Variants in PLCL1 observed in about 807,000 individuals in gnomAD.
The protein encoded by PLCL1 is phospholipase C like 1 (inactive), also known as inactive phospholipase C-like protein 1.
A neutral mutation model predicts 84.4 loss-of-function variants in PLCL1; 41 were observed. That is an observed-to-expected ratio of 0.49 (90% CI 0.38 to 0.63). The LOEUF (loss-of-function observed/expected upper bound fraction) is 0.63, where lower values mean the gene tolerates loss of function less well. Among genes scored for constraint, PLCL1 ranks in the 30% least tolerant of loss-of-function variants. PLCL1 has a pLI of 0.00. For synonymous variants in PLCL1, 490 were observed against 488.3 expected (o/e 1.00, Z -0.05); for missense variants, 1,206 against 1,367.8 (o/e 0.88, Z 1.87).
chr2:197,935,080 G>A (rs767806391), intron 1 of PLCL1, among the ~76,000 whole-genome samples: 1 of 152,054 alleles, frequency 6.6e-6, no homozygotes, highest in Admixed American at 6.6e-5. Flanking sequence ...AAACCACAAC[G>A]AGATACCATC....
intron 1 of PLCL1, among the ~76,000 whole-genome samples, chr2:197,872,062 CA>C: frequency 6.6e-6 from 1 of 152,286 alleles, no homozygotes. Flanking sequence ...GTCTGGATTA[CA>C]AACCTTTTGT....
intron 1 of PLCL1, among the ~76,000 whole-genome samples, chr2:197,950,344 C>T (rs1023712690): frequency 7.2e-5 from 11 of 152,118 alleles, no homozygotes; most frequent in Non-Finnish European, 1.0e-4. Flanking sequence ...GTCTCTCGTA[C>T]CCCGTCCAGC....
chr2:198,108,965 T>C (rs1455873488), intron 5 of PLCL1, among the ~76,000 whole-genome samples: 1 of 151,906 alleles, frequency 6.6e-6, no homozygotes, highest in African/African-American at 2.4e-5. Context: ...GATGATTCAG[T>C]CCTCACTACC....
At chr2:198,116,033 A>G (rs1693740288) in intron 5 of PLCL1, among the ~76,000 whole-genome samples, 2 of 148,700 alleles carry the variant, frequency 1.3e-5, no homozygotes, top group East Asian at 3.9e-4. Context: ...ACATGTATAT[A>G]TAAAATGTTA....
At chr2:198,043,881 C>CT (rs397800019) in intron 1 of PLCL1, among the ~76,000 whole-genome samples, 6,859 of 124,790 alleles carry the variant, frequency 0.055, 462 homozygotes, top group African/African-American at 0.16. Flanking sequence ...AATTCTTGTT[C>CT]TTTTTTTTTT....
At chr2:197,849,496 TTAAAG>T (rs1166079095) in intron 1 of PLCL1, among the ~76,000 whole-genome samples, 1 of 152,170 alleles carries the variant, frequency 6.6e-6, no homozygotes, top group Non-Finnish European at 1.5e-5. Flanking sequence ...ATTTAAATGA[TTAAAG>T]TAATGATTAA....
chr2:198,147,218 G>GTGTGTA lies in PLCL1; in HGVS notation c.*261_*262insATGTGT, dbSNP rs1379545608. 3.6e-6 allele frequency: 1 copy of GTGTGTA among 277,122 alleles called. No homozygotes were observed. The highest frequency in any genetic ancestry group is 6.7e-6 in the Non-Finnish European group (1 of 149,198). 17.2% of individuals were successfully genotyped at this position (277,122 alleles called of 1,614,324 possible). A position where few individuals can be genotyped will look rare whatever the true frequency, so the allele number is the denominator to read the frequency against. On this transcript the variant is annotated 3_prime_UTR_variant, in exon 6 of 6. Coordinates refer to ENST00000428675, the MANE Select transcript of PLCL1 (RefSeq NM_006226.4). ...CCTGTGGAAGAGTGTGTGTGTGTGT[G>GTGTGTA]TGTGTGTGTGTGTGTGGCAGAGAGA...
chr2:198,137,881 G>T (rs1036746351), intron 5 of PLCL1, among the ~76,000 whole-genome samples: 2 of 152,104 alleles, frequency 1.3e-5, no homozygotes, highest in African/African-American at 4.8e-5. Flanking sequence ...GCTCACTTTT[G>T]TAACCCCCAG....
At chr2:197,918,378 C>T (rs1190415844) in intron 1 of PLCL1, among the ~76,000 whole-genome samples, 1 of 151,882 alleles carries the variant, frequency 6.6e-6, no homozygotes, top group African/African-American at 2.4e-5. Context: ...GAGCCTGGAA[C>T]AGAAAGAGGG....
At chr2:197,865,686 C>T (rs551090588) in intron 1 of PLCL1, among the ~76,000 whole-genome samples, 172 of 152,096 alleles carry the variant, frequency 1.1e-3, no homozygotes, top group Non-Finnish European at 2.1e-3. Flanking sequence ...AATCAAAGCT[C>T]ACGCGTCAAA....
Position 197,816,229 on chromosome 2 carries a change from C to G in PLCL1, c.240+10890C>G, listed in dbSNP as rs146887523. Among the ~76,000 whole-genome samples, 381 of 152,196 alleles carry G rather than the reference C, an allele frequency of 2.5e-3. 5 individuals carry two copies. Among genetic ancestry groups the G allele is most frequent in the African/African-American group, 8.9e-3 (368 of 41,532 alleles). On this transcript the variant is annotated intron_variant, in intron 1 of 5. Coordinates refer to ENST00000428675, the MANE Select transcript of PLCL1 (RefSeq NM_006226.4). ...GTGTTCAAAATGGAGGCAAGGCCCTCCAGCAGCAAAAAGATTATGACTGGC... is the reference window on the plus strand; with the variant it reads ...GTGTTCAAAATGGAGGCAAGGCCCTGCAGCAGCAAAAAGATTATGACTGGC...
At chr2:197,973,434 T>C (rs568808250) in intron 1 of PLCL1, among the ~76,000 whole-genome samples, 26 of 152,358 alleles carry the variant, frequency 1.7e-4, no homozygotes, top group Middle Eastern at 3.4e-3. Flanking sequence ...AGTTTATTCA[T>C]GAATCCTACA....
chr2:198,076,082 A>G (rs1428612003), intron 1 of PLCL1, among the ~76,000 whole-genome samples: 2 of 152,212 alleles, frequency 1.3e-5, no homozygotes, highest in African/African-American at 4.8e-5. Flanking sequence ...TAATGAGCAA[A>G]TGATTGCAGT....
intron 1 of PLCL1, among the ~76,000 whole-genome samples, chr2:197,873,143 T>G (rs757384621): frequency 4.6e-5 from 7 of 152,206 alleles, no homozygotes; most frequent in Non-Finnish European, 1.0e-4. Flanking sequence ...AATATAATTA[T>G]TCAACATGTT....
chr2:197,986,158 CTT>C (rs1206866784), intron 1 of PLCL1, among the ~76,000 whole-genome samples: 2 of 152,142 alleles, frequency 1.3e-5, no homozygotes, highest in African/African-American at 4.8e-5. Flanking sequence ...CTTAAAAGGT[CTT>C]TGTGAATCAT....
At chr2:197,967,403 G>A (rs1689767183) in intron 1 of PLCL1, among the ~76,000 whole-genome samples, 1 of 152,102 alleles carries the variant, frequency 6.6e-6, no homozygotes, top group African/African-American at 2.4e-5. Context: ...CACCATGTTG[G>A]CCAGGCTGTT....
chr2:198,084,551 T>C lies in PLCL1; in HGVS notation c.1034T>C (p.Val345Ala). Residue 345 changes from valine to alanine, a missense_variant, in exon 2 of 6, where the codon GTC (valine) becomes GCC (alanine). Coordinates refer to ENST00000428675, the MANE Select transcript of PLCL1 (RefSeq NM_006226.4). The part of the protein sequence containing the change: ...LMLFLEAEQG[V>A]THITEDICLD... The stretch of plus-strand genomic sequence containing the variant: ...CTCTTTTTAGAAGCTGAGCAAGGAG[T>C]CACCCATATCACCGAGGATATATGC... 1.2e-6 allele frequency: 2 copies of C among 1,613,586 alleles called. No homozygotes were observed. The highest frequency in any genetic ancestry group is 1.7e-6 in the Non-Finnish European group (2 of 1,179,626).
intron 1 of PLCL1, among the ~76,000 whole-genome samples, chr2:197,903,350 G>A (rs1236002935): frequency 3.9e-5 from 6 of 151,934 alleles, no homozygotes; most frequent in Non-Finnish European, 8.8e-5. Context: ...GCCTACTCCT[G>A]CTCTAGTCCA....
At chr2:198,116,699 T>C (rs539155095) in intron 5 of PLCL1, among the ~76,000 whole-genome samples, 1 of 152,006 alleles carries the variant, frequency 6.6e-6, no homozygotes, top group South Asian at 2.1e-4. Context: ...TATTAGACTT[T>C]TGCATCATTG....
Sources: allele counts gnomAD v4.1 joint callset (sites outside exome capture counted in the v4.1 genomes callset), GRCh38; gene constraint gnomAD v4.1.1; transcripts MANE v1.5; gene names NCBI Gene and HGNC (gene_info 2026-07-23, HGNC 2026-07-21).